The following DGKG variants were observed in gnomAD, a reference collection of about 807,000 sequenced individuals.
DGKG encodes diacylglycerol kinase gamma, also known as DAG kinase gamma.
A neutral mutation model predicts 105.3 loss-of-function variants in DGKG; 78 were observed. The observed-to-expected ratio is 0.74, with a 90% CI of 0.62 to 0.89. DGKG has a LOEUF of 0.89. DGKG is among the 40% of genes least tolerant of loss of function. The pLI is 0.00. For missense variants in DGKG, 958 were observed against 1,020.1 expected (o/e 0.94, Z 0.83); for synonymous variants, 346 against 367.1 (o/e 0.94, Z 0.66).
intron 1 of DGKG, among the ~76,000 whole-genome samples, chr3:186,332,742 C>G (rs183012846): frequency 6.6e-6 from 1 of 152,068 alleles, no homozygotes; most frequent in Admixed American, 6.6e-5. Flanking sequence ...AATGTTTGTC[C>G]TCTCCAAAAT....
At chr3:186,158,527 C>A (rs1254812017) in intron 24 of DGKG, 5 of 965,102 alleles carry the variant, frequency 5.2e-6, no homozygotes, top group Non-Finnish European at 4.9e-6. Context: ...AAGAAAATGA[C>A]CTTTATAATT....
chr3:186,253,001 C>T, intron 18 of DGKG, 92 bp downstream of exon 18: 1 of 1,085,242 alleles, frequency 9.2e-7, no homozygotes, highest in South Asian at 1.3e-5. Flanking sequence ...GAATGTGATC[C>T]ATAAAAGGGT....
intron 6 of DGKG, among the ~76,000 whole-genome samples, chr3:186,286,069 G>A (rs889884688): frequency 2.4e-4 from 36 of 152,166 alleles, no homozygotes; most frequent in Non-Finnish European, 4.3e-4. Context: ...CTTGGGGCAC[G>A]TACCAGCCTG....
intron 3 of DGKG, 62 bp downstream of exon 3, chr3:186,306,839 A>T: frequency 1.7e-6 from 2 of 1,211,836 alleles, no homozygotes; most frequent in Admixed American, 1.8e-5. Context: ...AGAGGGAAAC[A>T]AATTATGGAA....
At chr3:186,314,601 A>G (rs1724725386) in intron 2 of DGKG, among the ~76,000 whole-genome samples, 1 of 152,000 alleles carries the variant, frequency 6.6e-6, no homozygotes, top group Non-Finnish European at 1.5e-5. Context: ...CTAAAAATAC[A>G]AAATTAGCTG....
At chr3:186,185,868 G>A (rs906634445) in intron 22 of DGKG, among the ~76,000 whole-genome samples, 3 of 151,728 alleles carry the variant, frequency 2.0e-5, no homozygotes, top group Admixed American at 6.6e-5. Flanking sequence ...AGGCTGAGGC[G>A]GGTGGATCAC....
At chr3:186,285,771 C>T (rs780901229) in intron 6 of DGKG, among the ~76,000 whole-genome samples, 3 of 151,830 alleles carry the variant, frequency 2.0e-5, no homozygotes, top group Non-Finnish European at 2.9e-5. Flanking sequence ...CCTCCGCCTC[C>T]CGGGTTCAAG....
chr3:186,243,360 C>T (rs1720778586), intron 19 of DGKG, among the ~76,000 whole-genome samples: 1 of 152,076 alleles, frequency 6.6e-6, no homozygotes, highest in African/African-American at 2.4e-5. Context: ...TGCACTCCAG[C>T]ACTCACAGTT....
chr3:186,219,860 G>A (rs1399273944), intron 20 of DGKG, among the ~76,000 whole-genome samples: 1 of 152,154 alleles, frequency 6.6e-6, no homozygotes, highest in Non-Finnish European at 1.5e-5. Flanking sequence ...CCATGTGTGA[G>A]AAATTAACTG....
intron 22 of DGKG, among the ~76,000 whole-genome samples, chr3:186,171,210 T>C (rs923421891): frequency 2.0e-4 from 30 of 152,216 alleles, no homozygotes; most frequent in Non-Finnish European, 2.1e-4. Context: ...GTTCTTGTTT[T>C]GTTTATCTTT....
intron 22 of DGKG, 136 bp from the exon 23 acceptor site, chr3:186,165,154 C>G: frequency 3.4e-6 from 3 of 871,762 alleles, no homozygotes; most frequent in South Asian, 2.0e-5. Flanking sequence ...TTCATATTCA[C>G]TCTGAATAGG....
chr3:186,314,294 C>T (rs186839981), intron 2 of DGKG, among the ~76,000 whole-genome samples: 127 of 151,622 alleles, frequency 8.4e-4, no homozygotes, highest in African/African-American at 3.0e-3. Flanking sequence ...TGAATTGAAG[C>T]AAATGAGTTT....
At chr3:186,258,120 G>C (rs1183206762) in intron 16 of DGKG, among the ~76,000 whole-genome samples, 181 bp from the exon 17 acceptor site, 1 of 152,176 alleles carries the variant, frequency 6.6e-6, no homozygotes, top group Non-Finnish European at 1.5e-5. Flanking sequence ...CTTGAATATG[G>C]AGCCAAGGCC....
intron 24 of DGKG, 89 bp downstream of exon 24, chr3:186,161,514 G>T: frequency 6.2e-7 from 1 of 1,600,126 alleles, no homozygotes; most frequent in South Asian, 1.1e-5. Flanking sequence ...CTGTGACTCT[G>T]AGATTCAGTG....
intron 24 of DGKG, among the ~76,000 whole-genome samples, chr3:186,151,042 G>A (rs1007401359): frequency 1.3e-5 from 2 of 152,180 alleles, no homozygotes; most frequent in African/African-American, 4.8e-5. Context: ...TCAAAGACCT[G>A]GGTTTGAGTC....
intron 11 of DGKG, among the ~76,000 whole-genome samples, chr3:186,271,019 C>T (rs1036360575): frequency 6.6e-5 from 10 of 152,156 alleles, no homozygotes; most frequent in Non-Finnish European, 8.8e-5. Context: ...AAGGCGTGGA[C>T]GAGAGACCAT....
In DGKG at chr3:186,231,921, C is replaced by T. The variant is rs1720171038; in HGVS notation, c.1826+10583G>A. On this transcript the variant is annotated intron_variant, in intron 20 of 24. Coordinates refer to ENST00000265022, the MANE Select transcript of DGKG (RefSeq NM_001346.3). The surrounding 1 kb of genome is among the most constrained non-coding windows in gnomAD (Gnocchi z 4.5). The stretch of plus-strand genomic sequence containing the variant: ...GGTGACAGAGAGAGAGACTCCGTCT[C>T]AAAAAAACAAAAATAAAAACAAAAA... Among the ~76,000 whole-genome samples, 2 of 151,730 alleles carry T rather than the reference C, an allele frequency of 1.3e-5. No homozygotes were observed. The highest frequency in any genetic ancestry group is 2.9e-5 in the Non-Finnish European group (2 of 67,946).
intron 21 of DGKG, among the ~76,000 whole-genome samples, chr3:186,192,526 A>G (rs1003330880): frequency 1.3e-5 from 2 of 152,214 alleles, no homozygotes; most frequent in South Asian, 2.1e-4. Flanking sequence ...CGATCTTCAC[A>G]TGAACATGAT....
intron 18 of DGKG, 40 bp downstream of exon 18, chr3:186,253,053 C>CACCT: frequency 6.4e-7 from 1 of 1,566,434 alleles, no homozygotes; most frequent in Non-Finnish European, 8.8e-7. Flanking sequence ...TAAACAGGAA[C>CACCT]ACCTGTTCCC....
Sources: gnomAD v4.1 joint callset for allele counts (sites outside exome capture counted in the v4.1 genomes callset) on GRCh38, gnomAD v4.1.1 for gene constraint, Gnocchi (gnomAD v3.1) non-coding constraint, MANE v1.5 for transcripts, NCBI Gene and HGNC (gene_info 2026-07-23, HGNC 2026-07-21) for gene names.